Variants in UPF2 observed in about 807,000 individuals in gnomAD.
The protein encoded by UPF2 is UPF2 regulator of nonsense mediated mRNA decay.
UPF2 carries 17 observed loss-of-function variants against 141.4 expected under a neutral mutation model. That is an observed-to-expected ratio of 0.12 (90% CI 0.08 to 0.18). The LOEUF (loss-of-function observed/expected upper bound fraction) is 0.18. Ranked by LOEUF, UPF2 falls within the 10% of genes least tolerant of loss-of-function variation. UPF2 has a pLI of 1.00. For missense variants in UPF2, 1,152 were observed against 1,515.9 expected (o/e 0.76, Z 3.99); for synonymous variants, 540 against 498.0 (o/e 1.08, Z -1.12).
intron 16 of UPF2, among the ~76,000 whole-genome samples, chr10:11,943,457 TCTC>T (rs1374087923): frequency 6.6e-6 from 1 of 152,180 alleles, no homozygotes; most frequent in Non-Finnish European, 1.5e-5. Flanking sequence ...CCTTTTGTGT[TCTC>T]CTCCTCCTGA....
At chr10:11,949,072 T>C (rs1414985098) in intron 15 of UPF2, among the ~76,000 whole-genome samples, 1 of 152,198 alleles carries the variant, frequency 6.6e-6, no homozygotes, top group Non-Finnish European at 1.5e-5. Context: ...AACAGCATTC[T>C]CCTCCTAAGC....
intron 4 of UPF2, among the ~76,000 whole-genome samples, chr10:12,013,800 A>C (rs1216528414): frequency 6.6e-6 from 1 of 151,932 alleles, no homozygotes; most frequent in Non-Finnish European, 1.5e-5. Context: ...GGGTCTCACT[A>C]TGTTGCCCAG....
In UPF2 at chr10:11,939,731, G is replaced by A. The variant is rs912008282; in HGVS notation, c.3378+2934C>T. 3.9e-5 allele frequency among the ~76,000 whole-genome samples: 6 copies of A among 151,954 alleles called. No homozygotes were observed. The highest frequency in any genetic ancestry group is 1.5e-4 in the African/African-American group (6 of 41,368). On this transcript the variant is annotated intron_variant, in intron 18 of 21. Coordinates refer to ENST00000357604, the MANE Select transcript of UPF2 (RefSeq NM_015542.4). The surrounding 1 kb of genome is among the most constrained non-coding windows in gnomAD (Gnocchi z 4.8). ...AGGGTTTCACCATGTTGGCCAGGCT[G>A]GTCTTGAACTCCTGACCTCAGGTGA...
At chr10:11,937,450 T>G (rs1194019568) in intron 18 of UPF2, among the ~76,000 whole-genome samples, 1 of 152,222 alleles carries the variant, frequency 6.6e-6, no homozygotes, top group Admixed American at 6.5e-5. Context: ...TGAGAGTGGT[T>G]GCGTGCCCTT....
intron 16 of UPF2, among the ~76,000 whole-genome samples, chr10:11,945,678 T>C (rs1468533560): frequency 1.3e-5 from 2 of 152,236 alleles, no homozygotes; most frequent in South Asian, 2.1e-4. Context: ...ATAAAGTTCA[T>C]GTTTAAAAAG....
chr10:11,987,185 C>T (rs1289192395), intron 8 of UPF2, among the ~76,000 whole-genome samples: 4 of 152,168 alleles, frequency 2.6e-5, no homozygotes, highest in African/African-American at 7.2e-5. Flanking sequence ...TAGATATAAA[C>T]ACCTCAGGAA....
At chr10:11,948,797 A>G (rs1217673652) in intron 15 of UPF2, among the ~76,000 whole-genome samples, 1 of 152,230 alleles carries the variant, frequency 6.6e-6, no homozygotes, top group Admixed American at 6.5e-5. Flanking sequence ...ATAATCTTGT[A>G]TATCTCAGTC....
At chr10:12,023,915 G>A (rs999053829) in intron 3 of UPF2, among the ~76,000 whole-genome samples, 1 of 151,576 alleles carries the variant, frequency 6.6e-6, no homozygotes, top group Admixed American at 6.6e-5. Context: ...CTTGAGCTGG[G>A]AGGTGGAGGC....
At position 11,920,690 on chromosome 10, in the gene UPF2, C is replaced by A; in HGVS notation, c.*608G>T. On this transcript the variant is annotated 3_prime_UTR_variant, in exon 22 of 22. Coordinates refer to ENST00000357604, the MANE Select transcript of UPF2 (RefSeq NM_015542.4). ...GATAAAACGGATTTTTCTCCCTCAT[C>A]CCTTGTTCCTCTTGAAACAAATTCC... 3.9e-6 allele frequency: 1 copy of A among 256,576 alleles called. No individual in the cohort carries two copies. Among genetic ancestry groups the A allele is most frequent in the South Asian group, 4.8e-5 (1 of 20,992 alleles). 15.9% of individuals were successfully genotyped at this position (256,576 alleles called of 1,614,324 possible). A position where few individuals can be genotyped will look rare whatever the true frequency, so the allele number is the denominator to read the frequency against.
At chr10:11,955,575 G>C (rs548088515) in intron 13 of UPF2, 68 bp from the exon 14 acceptor site, 3 of 1,441,356 alleles carry the variant, frequency 2.1e-6, no homozygotes, top group Non-Finnish European at 2.8e-6. Flanking sequence ...GGTTAAACTT[G>C]TCTCTGTAAC....
rs1222077258 is a variant in UPF2, at chr10:11,920,656, ACT to A, written c.*640_*641del. ...CTTAATAGGCAATTTTATAGCACTG[ACT>A]CTGATGGATAAAACGGATTTTTCTC... On this transcript the variant is annotated 3_prime_UTR_variant, in exon 22 of 22. Coordinates refer to ENST00000357604, the MANE Select transcript of UPF2 (RefSeq NM_015542.4). 8 of 240,834 alleles carry A rather than the reference ACT, an allele frequency of 3.3e-5. No individual in the cohort carries two copies. The highest frequency in any genetic ancestry group is 5.0e-5 in the Non-Finnish European group (6 of 121,178). 14.9% of individuals were successfully genotyped at this position (240,834 alleles called of 1,614,324 possible).
intron 9 of UPF2, among the ~76,000 whole-genome samples, chr10:11,976,497 C>G (rs976788655): frequency 6.6e-6 from 1 of 152,090 alleles, no homozygotes; most frequent in African/African-American, 2.4e-5. Context: ...ATGGGAAATA[C>G]AGAAGCAGAT....
chr10:11,996,735 T>C (rs751969893), intron 8 of UPF2, among the ~76,000 whole-genome samples: 1 of 152,182 alleles, frequency 6.6e-6, no homozygotes, highest in Non-Finnish European at 1.5e-5. Flanking sequence ...CATTAACACA[T>C]TCCCTCTCCC....
intron 13 of UPF2, among the ~76,000 whole-genome samples, chr10:11,955,913 C>G (rs1222559507): frequency 6.6e-6 from 1 of 152,104 alleles, no homozygotes; most frequent in Non-Finnish European, 1.5e-5. Context: ...GAGGCCAAGA[C>G]AGGTGATCAC....
intron 14 of UPF2, 96 bp from the exon 15 acceptor site, chr10:11,952,345 A>C: frequency 8.9e-7 from 1 of 1,126,754 alleles, no homozygotes; most frequent in Admixed American, 2.9e-5. Flanking sequence ...AGTTATAACT[A>C]CTAAGCTGAA....
intron 16 of UPF2, among the ~76,000 whole-genome samples, chr10:11,947,196 C>T (rs903256513): frequency 6.6e-6 from 1 of 152,156 alleles, no homozygotes; most frequent in Admixed American, 6.5e-5. Flanking sequence ...TGAAGGCTGT[C>T]TCAAACAACA....
chr10:11,944,632 T>C (rs1832978866), intron 16 of UPF2, among the ~76,000 whole-genome samples: 1 of 152,216 alleles, frequency 6.6e-6, no homozygotes, highest in African/African-American at 2.4e-5. Context: ...AATGAATCCT[T>C]TCTCAACACT....
intron 3 of UPF2, among the ~76,000 whole-genome samples, chr10:12,025,784 G>A (rs1306998196): frequency 7.2e-5 from 11 of 152,076 alleles, no homozygotes; most frequent in Non-Finnish European, 1.2e-4. Flanking sequence ...AATGTGACCA[G>A]AAGATAAGCA....
Position 11,921,055 on chromosome 10 carries a change from T to C in UPF2, c.*243A>G. 1.4e-6 allele frequency: 1 copy of C among 736,870 alleles called. No individual in the cohort carries two copies. Among genetic ancestry groups the C allele is most frequent in the Non-Finnish European group, 2.6e-6 (1 of 390,966 alleles). 45.6% of individuals were successfully genotyped at this position (736,870 alleles called of 1,614,324 possible). ...CTTGACTGCCATTCTCAAGAGAAGA[T>C]TAACCCTCGCGAGATTTCCATTACA... On this transcript the variant is annotated 3_prime_UTR_variant, in exon 22 of 22. Coordinates refer to ENST00000357604, the MANE Select transcript of UPF2 (RefSeq NM_015542.4). This position sits in a 1 kb window ranked among gnomAD's most constrained non-coding sequence, Gnocchi z 5.9.
Sources: gnomAD v4.1 joint callset for allele counts (sites outside exome capture counted in the v4.1 genomes callset) on GRCh38, gnomAD v4.1.1 for gene constraint, Gnocchi (gnomAD v3.1) non-coding constraint, MANE v1.5 for transcripts, NCBI Gene and HGNC (gene_info 2026-07-23, HGNC 2026-07-21) for gene names.